RSRC1: variants seen among roughly 807,000 people sequenced by gnomAD.
RSRC1 encodes serine/Arginine-related protein 53.
In RSRC1, 39 loss-of-function variants were observed where a neutral mutation model predicts 49.1. The ratio of observed to expected loss-of-function variants is 0.79; its 90% CI spans 0.61 to 1.04. The LOEUF (loss-of-function observed/expected upper bound fraction) is 1.04, where lower values mean the gene tolerates loss of function less well. Among genes scored for constraint, RSRC1 ranks in the 50% least tolerant of loss-of-function variants. RSRC1 has a pLI of 0.00. For synonymous variants in RSRC1, 143 were observed against 130.8 expected, an observed-to-expected ratio of 1.09 and a Z score of -0.63; for missense variants, 388 against 402.4, an observed-to-expected ratio of 0.96 and a Z score of 0.31.
intron 7 of RSRC1, among the ~76,000 whole-genome samples, chr3:158,501,926 GT>G (rs989150226): frequency 3.3e-5 from 5 of 151,934 alleles, no homozygotes; most frequent in African/African-American, 1.2e-4. Flanking sequence ...TTTTTGTTTT[GT>G]TTTTGCTTTT....
intron 7 of RSRC1, among the ~76,000 whole-genome samples, chr3:158,486,069 A>G (rs1395732563): frequency 1.3e-5 from 2 of 152,178 alleles, no homozygotes; most frequent in Non-Finnish European, 2.9e-5. Flanking sequence ...AGTATTTAGC[A>G]ATACTCTACC....
intron 6 of RSRC1, among the ~76,000 whole-genome samples, chr3:158,386,061 A>G (rs1016227692): frequency 6.6e-6 from 1 of 152,110 alleles, no homozygotes; most frequent in South Asian, 2.1e-4. Context: ...TTCATCTCTG[A>G]TGAAATGCGT....
At chr3:158,241,657 G>A (rs1723587322) in intron 4 of RSRC1, among the ~76,000 whole-genome samples, 1 of 152,012 alleles carries the variant, frequency 6.6e-6, no homozygotes, top group Non-Finnish European at 1.5e-5. Context: ...TGTTAAACAT[G>A]CTGTATCATT....
chr3:158,177,644 A>G (rs7651712), intron 3 of RSRC1, among the ~76,000 whole-genome samples: 140,902 of 151,378 alleles, frequency 0.93, 65,673 homozygotes, highest in East Asian at 1. Flanking sequence ...GGCCTGTCAG[A>G]GTGTGGGGGG....
intron 5 of RSRC1, among the ~76,000 whole-genome samples, chr3:158,318,431 GA>G (rs1728586216): frequency 6.6e-6 from 1 of 152,142 alleles, no homozygotes; most frequent in Non-Finnish European, 1.5e-5. Flanking sequence ...CATTCTAAAA[GA>G]CAGTTAAAAT....
chr3:158,426,294 G>T (rs1735436863), intron 6 of RSRC1, among the ~76,000 whole-genome samples: 1 of 151,430 alleles, frequency 6.6e-6, no homozygotes, highest in South Asian at 2.1e-4. Context: ...GGAGAACATA[G>T]TTTCAATGTA....
intron 5 of RSRC1, among the ~76,000 whole-genome samples, chr3:158,319,549 T>C (rs564206578): frequency 9.2e-5 from 14 of 152,306 alleles, no homozygotes; most frequent in African/African-American, 2.9e-4. Flanking sequence ...CAATTTAAGC[T>C]CAGTGTAGGC....
At chr3:158,494,814 G>T (rs1173036347) in intron 7 of RSRC1, among the ~76,000 whole-genome samples, 1 of 151,962 alleles carries the variant, frequency 6.6e-6, no homozygotes, top group African/African-American at 2.4e-5. Context: ...TCTATATCTT[G>T]TACCACCAGA....
intron 6 of RSRC1, among the ~76,000 whole-genome samples, chr3:158,375,632 A>T (rs1211288042): frequency 2.6e-5 from 4 of 152,180 alleles, no homozygotes; most frequent in Non-Finnish European, 4.4e-5. Flanking sequence ...AATAAATTGT[A>T]TGTAATATGA....
chr3:158,286,760 A>G (rs1726587906), intron 4 of RSRC1, among the ~76,000 whole-genome samples: 1 of 152,254 alleles, frequency 6.6e-6, no homozygotes, highest in Non-Finnish European at 1.5e-5. Context: ...AAGAGAAAAT[A>G]ATAAAAAGAC....
chr3:158,430,139 T>C (rs1260009893), intron 6 of RSRC1, among the ~76,000 whole-genome samples: 1 of 151,782 alleles, frequency 6.6e-6, no homozygotes, highest in African/African-American at 2.4e-5. Flanking sequence ...GCACTTGTGA[T>C]AGTAGTGGTA....
intron 5 of RSRC1, among the ~76,000 whole-genome samples, chr3:158,333,297 G>C (rs1729665401): frequency 6.6e-6 from 1 of 152,126 alleles, no homozygotes; most frequent in African/African-American, 2.4e-5. Context: ...AAAGCCCTCA[G>C]TCAATTCTAG....
At chr3:158,424,661 T>C (rs1246908035) in intron 6 of RSRC1, among the ~76,000 whole-genome samples, 1 of 151,190 alleles carries the variant, frequency 6.6e-6, no homozygotes, top group African/African-American at 2.4e-5. Context: ...ATGGTACCAG[T>C]TCCTCCTTGT....
At chr3:158,453,621 G>A (rs1737166339) in intron 6 of RSRC1, among the ~76,000 whole-genome samples, 1 of 151,842 alleles carries the variant, frequency 6.6e-6, no homozygotes, top group Non-Finnish European at 1.5e-5. Flanking sequence ...GGCCTCAATT[G>A]ATCCTCCCAA....
chr3:158,540,457 A>G (rs976563460), intron 8 of RSRC1, among the ~76,000 whole-genome samples: 1 of 152,200 alleles, frequency 6.6e-6, no homozygotes, highest in African/African-American at 2.4e-5. Flanking sequence ...GACTGCCCAG[A>G]TATCTATCCC....
At chr3:158,425,464 T>G (rs975195566) in intron 6 of RSRC1, among the ~76,000 whole-genome samples, 3 of 152,112 alleles carry the variant, frequency 2.0e-5, no homozygotes, top group Non-Finnish European at 4.4e-5. Flanking sequence ...ATAATTTCTG[T>G]TCTTTTACAT....
intron 7 of RSRC1, among the ~76,000 whole-genome samples, chr3:158,487,972 A>AAAC (rs1738898777): frequency 6.7e-6 from 1 of 148,710 alleles, no homozygotes; most frequent in South Asian, 2.1e-4. Context: ...AAAAAAAAAA[A>AAAC]AACTGGCTGA....
intron 4 of RSRC1, among the ~76,000 whole-genome samples, chr3:158,257,529 T>C (rs1024879294): frequency 2.6e-5 from 4 of 152,160 alleles, no homozygotes; most frequent in African/African-American, 9.6e-5. Flanking sequence ...CTGGCTGTCT[T>C]TTTAAGTGAT....
intron 3 of RSRC1, among the ~76,000 whole-genome samples, chr3:158,196,786 A>T (rs1022846096): frequency 4.6e-5 from 7 of 152,060 alleles, no homozygotes; most frequent in African/African-American, 1.7e-4. Context: ...TGGTTCTGTT[A>T]ATATGCTGGA....
Sources: gnomAD v4.1 joint callset for allele counts (sites outside exome capture counted in the v4.1 genomes callset) on GRCh38, gnomAD v4.1.1 for gene constraint, MANE v1.5 for transcripts, NCBI Gene and HGNC (gene_info 2026-07-23, HGNC 2026-07-21) for gene names.